The following BBC3 variants were observed in gnomAD, a reference collection of about 807,000 sequenced individuals.
The protein encoded by BBC3 is bcl-2-binding component 3.
A neutral mutation model predicts 18.2 loss-of-function variants in BBC3; 5 were observed. The ratio of observed to expected loss-of-function variants is 0.27; its 90% confidence interval spans 0.14 to 0.58. The LOEUF is 0.58. Among genes scored for constraint, BBC3 ranks in the 20% least tolerant of loss-of-function variants. The pLI, the probability that BBC3 is intolerant of heterozygous loss-of-function variation, is 0.91. For missense variants in BBC3, 224 were observed against 268.9 expected, an observed-to-expected ratio of 0.83 and a Z score of 1.17; for synonymous variants, 119 against 128.0, an observed-to-expected ratio of 0.93 and a Z score of 0.47.
intron 3 of BBC3, 156 bp from the exon 4 acceptor site, chr19:47,222,074 A>G: frequency 3.2e-6 from 2 of 627,918 alleles, no homozygotes; most frequent in Non-Finnish European, 5.2e-6. Flanking sequence ...CGGAGGTCAC[A>G]TCCTCATCCA....
intron 3 of BBC3, 76 bp from the exon 4 acceptor site, chr19:47,221,994 G>C (rs1375442588): frequency 5.2e-6 from 7 of 1,339,232 alleles, no homozygotes; most frequent in African/African-American, 1.5e-5. Flanking sequence ...TCAGCTCCAG[G>C]GGCAGCGAGG....
intron 3 of BBC3, 68 bp downstream of exon 3, chr19:47,226,496 G>C (rs2123376369): frequency 6.9e-7 from 1 of 1,455,862 alleles, no homozygotes; most frequent in African/African-American, 1.5e-5. Flanking sequence ...ACATCTGGCG[G>C]GGGCCGCCTG....
In BBC3 at chr19:47,226,743, A is replaced by T; in HGVS notation, c.286T>A (p.Ser96Thr). The T allele has an allele frequency of 7.1e-7, 1 of 1,406,548 alleles. No homozygotes were observed. Among genetic ancestry groups the T allele is most frequent in the Non-Finnish European group, 9.2e-7 (1 of 1,085,528 alleles). The allele number at this position is 1,406,548 out of a possible 1,614,324, so 87.1% of individuals were successfully genotyped here. A position where few individuals can be genotyped will look rare whatever the true frequency, so the allele number is the denominator to read the frequency against. Residue 96 changes from serine (S) to threonine (T), a missense_variant, in exon 3 of 4, where the codon TCG (serine) becomes ACG (threonine). Physicochemically the swap from Ser to Thr is moderately conservative, Grantham distance 58 (BLOSUM62 1). Transcript: ENST00000439096. The stretch of plus-strand genomic sequence containing the variant: ...AGGTGCTGCTCCGCCAGCGAGAGCG[A>T]GGGCTGAGGACCTTGGAGAGGCAGA... ...RGPRPDGPQP[S>T]LSLAEQHLES...
At chr19:47,231,581 A>G (rs773664376), upstream of BBC3, among the ~76,000 whole-genome samples, 4 of 152,200 alleles carry the variant, frequency 2.6e-5, no homozygotes, top group Non-Finnish European at 5.9e-5. The surrounding 1 kb of genome is among the most constrained non-coding windows in gnomAD (Gnocchi z 4.0). Flanking sequence ...GTGCAGGCAG[A>G]GCCCAGAGGA....
Position 47,221,433 on chromosome 19 carries a change from C to CA in BBC3, c.*368_*369insT, listed in dbSNP as rs1018003240. ...AGGAGCACCGAGAGGAGAGCCCCCC[C>CA]CTCCCAGTGTCACCCCTGCAGCTGG... On this transcript the variant is annotated 3_prime_UTR_variant, in exon 4 of 4. Coordinates refer to ENST00000439096, the MANE Select transcript of BBC3 (RefSeq NM_014417.5). 19 of 254,462 alleles carry CA rather than the reference C, an allele frequency of 7.5e-5. 6 individuals carry two copies. The highest frequency in any genetic ancestry group is 4.8e-4 in the South Asian group (5 of 10,446). 15.8% of individuals were successfully genotyped at this position (254,462 alleles called of 1,614,324 possible).
At chr19:47,223,270 CA>C (rs1407104038) in intron 3 of BBC3, among the ~76,000 whole-genome samples, 181 of 96,154 alleles carry the variant, frequency 1.9e-3, no homozygotes, top group Admixed American at 1.6e-3. Flanking sequence ...GACTCCATCT[CA>C]AAAAAAAAAA....
chr19:47,227,018 C>T (rs1288301091), intron 2 of BBC3: 6 of 368,532 alleles, frequency 1.6e-5, no homozygotes, highest in South Asian at 9.2e-5. Context: ...AGAGGTGACC[C>T]CGGGGGTGGT....
chr19:47,229,658 A>C (rs2058885893), intron 1 of BBC3, among the ~76,000 whole-genome samples: 1 of 151,876 alleles, frequency 6.6e-6, no homozygotes, highest in African/African-American at 2.4e-5. Context: ...ACACACACAC[A>C]CACACACAGG....
At chr19:47,226,539 C>G (rs766505571) in intron 3 of BBC3, 25 bp downstream of exon 3, 250 of 1,501,912 alleles carry the variant, frequency 1.7e-4, no homozygotes, top group Admixed American at 6.7e-5. Context: ...TCCCACCTGC[C>G]GTCTACCCCA....
At position 47,228,180 on chromosome 19, in the gene BBC3, C is replaced by T. The variant is rs2058861486; in HGVS notation, c.252G>A (p.Arg84=). ...CACCGTCCGGGCGCGGGCCTCGGGG[C>T]CGGCTGCGGGGACCCCCAGGCCAGC... ...GSRWPGGPRS[R]PRGPRPDGPQ... The change falls in exon 2 of 4, where the codon CGG becomes CGA. Residue 84 remains arginine (R), a synonymous_variant. Coordinates refer to ENST00000439096, the MANE Select transcript of BBC3 (RefSeq NM_014417.5). The surrounding 1 kb of genome is among the most constrained non-coding windows in gnomAD (Gnocchi z 5.5). 2 of 1,222,448 alleles carry T rather than the reference C, an allele frequency of 1.6e-6. No individual in the cohort carries two copies. Among genetic ancestry groups the T allele is most frequent in the Non-Finnish European group, 2.0e-6 (2 of 981,934 alleles). The allele number at this position is 1,222,448 out of a possible 1,614,324, so 75.7% of individuals were successfully genotyped here.
intron 3 of BBC3, among the ~76,000 whole-genome samples, chr19:47,223,337 C>A (rs1032246691): frequency 6.6e-6 from 1 of 151,392 alleles, no homozygotes; most frequent in African/African-American, 2.4e-5. Flanking sequence ...GAGGCCAAGG[C>A]AGGTGGATCA....
Position 47,228,142 on chromosome 19 carries a change from C to T in BBC3, c.274+16G>A. 3.3e-6 allele frequency: 4 copies of T among 1,194,688 alleles called. No individual in the cohort carries two copies. Among genetic ancestry groups the T allele is most frequent in the Non-Finnish European group, 3.1e-6 (3 of 963,668 alleles). 74.0% of individuals were successfully genotyped at this position (1,194,688 alleles called of 1,614,324 possible). ...TTCCCGGCTCCTATCACCCCGGGGG[C>T]GGGGCGGGCACTCACCGTCCGGGCG... On this transcript the variant is annotated intron_variant, in intron 2 of 3. Transcript: ENST00000439096. This position sits in a 1 kb window ranked among gnomAD's most constrained non-coding sequence, Gnocchi z 5.5.
At chr19:47,223,340 G>A (rs2123360702) in intron 3 of BBC3, among the ~76,000 whole-genome samples, 1 of 152,174 alleles carries the variant, frequency 6.6e-6, no homozygotes, top group African/African-American at 2.4e-5. Context: ...GCCAAGGCAG[G>A]TGGATCACCT....
In BBC3 at chr19:47,228,505, C is replaced by T. The variant is rs2058867319; in HGVS notation, c.-15-59G>A. 1 of 1,223,396 alleles carries T rather than the reference C, an allele frequency of 8.2e-7. No individual in the cohort carries two copies. Among genetic ancestry groups the T allele is most frequent in the Non-Finnish European group, 1.0e-6 (1 of 981,068 alleles). The allele number at this position is 1,223,396 out of a possible 1,614,324, so 75.8% of individuals were successfully genotyped here. A position where few individuals can be genotyped will look rare whatever the true frequency, so the allele number is the denominator to read the frequency against. ...GGAAGTACCAGGGCCCACTGTACCT[C>T]CAGCCTACCCGGGGTTAGGACCCAG... On this transcript the variant is annotated intron_variant, in intron 1 of 3. Transcript: ENST00000439096. This position sits in a 1 kb window ranked among gnomAD's most constrained non-coding sequence, Gnocchi z 5.5.
intron 2 of BBC3, 37 bp from the exon 3 acceptor site, chr19:47,226,791 C>A: frequency 7.3e-7 from 1 of 1,362,448 alleles, no homozygotes; most frequent in South Asian, 1.6e-5. Context: ...GCACCCACCA[C>A]CCCTCCAGGC....
In BBC3 at chr19:47,221,571, G is replaced by C. The variant is rs1354689364; in HGVS notation, c.*231C>G. ...CCTTCCGATGCTGAGTCCATCAGCC[G>C]TCCCTCTCCTGGCTTCTTGGCCAGG... On this transcript the variant is annotated 3_prime_UTR_variant, in exon 4 of 4. Coordinates refer to ENST00000439096, the MANE Select transcript of BBC3 (RefSeq NM_014417.5). 21 of 855,560 alleles carry C rather than the reference G, an allele frequency of 2.5e-5. No homozygotes were observed. Among genetic ancestry groups the C allele is most frequent in the Admixed American group, 3.1e-5 (1 of 31,774 alleles). The allele number at this position is 855,560 out of a possible 1,614,324, so 53.0% of individuals were successfully genotyped here. A position where few individuals can be genotyped will look rare whatever the true frequency, so the allele number is the denominator to read the frequency against.
At chr19:47,225,758 C>T (rs1264487806) in intron 3 of BBC3, among the ~76,000 whole-genome samples, 1 of 152,080 alleles carries the variant, frequency 6.6e-6, no homozygotes, top group Non-Finnish European at 1.5e-5. Context: ...ATGTCATATA[C>T]GCTAAGCTAA....
At position 47,226,640 on chromosome 19, in the gene BBC3, T is replaced by C. The variant is rs2123377693; in HGVS notation, c.389A>G (p.Glu130Gly). ...CCCGATCTCCCGGGCCCACTGTTCC[T>C]CCTCCCCGCGGACTCCCGGGGCCGC... ...TQAAPGVRGE[E>G]EQWAREIGAQ... The change falls in exon 3 of 4, where the codon GAG (glutamate) becomes GGG (glycine). Residue 130 changes from glutamate (E) to glycine (G), a missense_variant. Transcript: ENST00000439096. 6.4e-7 allele frequency: 1 copy of C among 1,550,618 alleles called. No homozygotes were observed. The highest frequency in any genetic ancestry group is 8.7e-7 in the Non-Finnish European group (1 of 1,150,702).
At chr19:47,232,279 A>T (rs531445434), upstream of BBC3, among the ~76,000 whole-genome samples, 1 of 152,342 alleles carries the variant, frequency 6.6e-6, no homozygotes, top group East Asian at 1.9e-4. Flanking sequence ...TGAACCCGGG[A>T]GGCGGAGGTT....
Sources: allele counts gnomAD v4.1 joint callset (sites outside exome capture counted in the v4.1 genomes callset), GRCh38; gene constraint gnomAD v4.1.1; non-coding constraint Gnocchi (gnomAD v3.1); transcripts MANE v1.5; gene names NCBI Gene and HGNC (gene_info 2026-07-23, HGNC 2026-07-21).